The following COL17A1 variants were observed in gnomAD, a reference collection of about 807,000 sequenced individuals.
The protein encoded by COL17A1 is collagen alpha-1(XVII) chain.
A neutral mutation model predicts 218.4 loss-of-function variants in COL17A1; 181 were observed. The observed-to-expected ratio is 0.83, with a 90% CI of 0.73 to 0.94. The LOEUF is 0.94. COL17A1 is among the 40% of genes least tolerant of loss of function. The probability of loss-of-function intolerance (pLI) is 0.00; values close to 1 mark genes in which losing one functional copy is unlikely to be tolerated. For missense variants in COL17A1, 1,924 were observed against 1,945.9 expected (o/e 0.99, Z 0.21); for synonymous variants, 721 against 731.0 (o/e 0.99, Z 0.22).
chr10:104,052,292 T>C, intron 23 of COL17A1, 75 bp from the exon 24 acceptor site: 1 of 1,590,918 alleles, frequency 6.3e-7, no homozygotes, highest in Non-Finnish European at 8.6e-7. Flanking sequence ...CACTGTCATT[T>C]GGAGGGGATG....
chr10:104,072,347 T>C (rs1243293069), intron 7 of COL17A1, among the ~76,000 whole-genome samples: 1 of 152,180 alleles, frequency 6.6e-6, no homozygotes, highest in East Asian at 1.9e-4. Flanking sequence ...GAGGTTCCAG[T>C]ACAATCAGCA....
chr10:104,073,937 T>C, intron 6 of COL17A1: 1 of 498,658 alleles, frequency 2.0e-6, no homozygotes. Context: ...GCCTGAGCCT[T>C]ATATATAGCT....
Position 104,080,678 on chromosome 10 carries a change from T to C in COL17A1, c.-5A>G, listed in dbSNP as rs1007545074. 1 of 1,613,296 alleles carries C rather than the reference T, an allele frequency of 6.2e-7. No homozygotes were observed. The highest frequency in any genetic ancestry group is 1.1e-5 in the South Asian group (1 of 91,082). ...GTTTTTCTTGGTTACATCCATACCA[T>C]AGCCACCTGCAGGAAAAATCAGAAA... is the stretch of plus-strand genomic sequence containing the variant. On this transcript the variant is annotated 5_prime_UTR_variant, in exon 2 of 56. The change abolishes an upstream ATG in the 5' untranslated region. Coordinates refer to ENST00000648076, the MANE Select transcript of COL17A1 (RefSeq NM_000494.4).
At chr10:104,042,091 C>T (rs907486816) in intron 36 of COL17A1, among the ~76,000 whole-genome samples, 6 of 152,152 alleles carry the variant, frequency 3.9e-5, no homozygotes, top group Admixed American at 2.6e-4. Context: ...TTAAAGGACC[C>T]GGGAGTGAGT....
At chr10:104,044,780 G>A (rs1365120158) in intron 33 of COL17A1, among the ~76,000 whole-genome samples, 5 of 152,078 alleles carry the variant, frequency 3.3e-5, no homozygotes, top group Non-Finnish European at 5.9e-5. Context: ...CCTCAAAAAG[G>A]GAAGGTTTCT....
intron 40 of COL17A1, 60 bp downstream of exon 40, chr10:104,040,291 A>G: frequency 8.1e-7 from 1 of 1,237,564 alleles, no homozygotes; most frequent in Non-Finnish European, 1.2e-6. Flanking sequence ...CCTCCTGGCA[A>G]CCAGCAGGTA....
intron 26 of COL17A1, 58 bp from the exon 27 acceptor site, chr10:104,050,714 G>C (rs2086461028): frequency 8.1e-6 from 13 of 1,614,082 alleles, no homozygotes; most frequent in Non-Finnish European, 1.1e-5. Flanking sequence ...ACCAGGAAGG[G>C]GCAATGTCTG....
intron 48 of COL17A1, among the ~76,000 whole-genome samples, chr10:104,036,057 TATGGGAGTATGTGTATGGGA>T (rs1259016135): frequency 3.6e-5 from 2 of 55,442 alleles, no homozygotes; most frequent in Non-Finnish European, 8.3e-5. Context: ...GGAGTGTGTG[TATGGGAGTATGTGTATGGGA>T]GTGTGTATGG....
chr10:104,052,197 G>A lies in COL17A1; in HGVS notation c.1960C>T (p.Pro654Ser). 1 of 1,614,178 alleles carries A rather than the reference G, an allele frequency of 6.2e-7. No homozygotes were observed. Among genetic ancestry groups the A allele is most frequent in the Non-Finnish European group, 8.5e-7 (1 of 1,180,016 alleles). The change falls in exon 24 of 56, where the codon CCT becomes TCT. Residue 654 changes from proline to serine, a missense_variant. By Grantham distance (74) the Pro-to-Ser change is moderately conservative. Transcript: ENST00000648076. ...GERGAAGEPG[P>S]HGPPGVPGSV... is the part of the protein sequence containing the mutation. The stretch of plus-strand genomic sequence containing the variant: ...CCTGGGACACCAGGTGGGCCATGAG[G>A]ACCTGGTTCACCAGCAGCCCCTGAG...
chr10:104,063,655 A>T, intron 11 of COL17A1, 92 bp downstream of exon 11: 1 of 1,569,856 alleles, frequency 6.4e-7, no homozygotes, highest in Non-Finnish European at 8.7e-7. Flanking sequence ...TGCAGTATGC[A>T]TGGAAGAAAG....
At chr10:104,035,830 A>ATCGGAGTGTGCGTATGGGAGTGTGTGTG (rs2086276527) in intron 48 of COL17A1, among the ~76,000 whole-genome samples, 13 of 29,952 alleles carry the variant, frequency 4.3e-4, no homozygotes, top group Middle Eastern at 0.012. Flanking sequence ...GTGTGTGTGT[A>ATCGGAGTGTGCGTATGGGAGTGTGTGTG]TGGGAGTGTA....
chr10:104,040,804 A>T (rs963988201), intron 39 of COL17A1, among the ~76,000 whole-genome samples: 2 of 152,084 alleles, frequency 1.3e-5, no homozygotes, highest in Non-Finnish European at 2.9e-5. Flanking sequence ...CAAGGATAGG[A>T]ACCAGGTCTC....
chr10:104,066,576 G>GA (rs970495994), intron 9 of COL17A1, among the ~76,000 whole-genome samples: 21 of 151,518 alleles, frequency 1.4e-4, no homozygotes. Context: ...GCTTCAAGAG[G>GA]AAAAAAAAGA....
intron 9 of COL17A1, among the ~76,000 whole-genome samples, chr10:104,066,099 A>T (rs1321356418): frequency 6.6e-6 from 1 of 152,186 alleles, no homozygotes; most frequent in African/African-American, 2.4e-5. Flanking sequence ...AGACTGCAAA[A>T]TAGCTCATTT....
At chr10:104,040,083 G>A in intron 40 of COL17A1, 84 bp from the exon 41 acceptor site, 1 of 1,472,068 alleles carries the variant, frequency 6.8e-7, no homozygotes, top group African/African-American at 1.4e-5. Context: ...GGGGATAGGG[G>A]CTCCAATGCT....
chr10:104,078,563 T>A lies in COL17A1; in HGVS notation c.76A>T (p.Arg26Ter). The A allele has an allele frequency of 6.2e-7, 1 of 1,614,184 alleles. No individual in the cohort carries two copies. Among genetic ancestry groups the A allele is most frequent in the Non-Finnish European group, 8.5e-7 (1 of 1,180,038 alleles). Residue 26 changes from arginine (R) to a stop codon, truncating the protein, a stop_gained, in exon 3 of 56, where the codon AGA becomes TGA. Transcript: ENST00000648076. LOFTEE classifies it high-confidence loss of function. Reference protein sequence around the residue: ...ERIVTETVTTRLTSLPPKGGT... With the variant: ...ERIVTETVTT Reference sequence around the variant, plus strand: ...TTACTTGGTGGTAAGGATGTAAGTCTTGTGGTTACTGTTTCAGTGACAACT... The same window carrying A: ...TTACTTGGTGGTAAGGATGTAAGTCATGTGGTTACTGTTTCAGTGACAACT...
rs368380054 is a variant in COL17A1 at position 104,039,960 on chromosome 10, G to A, written c.2788+13C>T. ...CCTACCCCAGGTTTTGTTTGATGCC[G>A]GCTCTACTGTACCTTGGTGTCCTCT... On this transcript the variant is annotated intron_variant, in intron 41 of 55. Transcript: ENST00000648076. The A allele has an allele frequency of 1.8e-4, 298 of 1,614,036 alleles. 1 individual carries two copies. Among genetic ancestry groups the A allele is most frequent in the Non-Finnish European group, 2.2e-4 (265 of 1,180,038 alleles).
rs2086346557 is a variant in COL17A1 at position 104,040,392 on chromosome 10, G to T, written c.2720C>A (p.Pro907His). 6.2e-7 allele frequency: 1 copy of T among 1,610,922 alleles called. No homozygotes were observed. The highest frequency in any genetic ancestry group is 1.7e-5 in the Admixed American group (1 of 60,002). The change falls in exon 40 of 56, where the codon CCC becomes CAC. Residue 907 changes from proline to histidine, a missense_variant. By Grantham distance (77) the Pro-to-His change is moderately conservative (BLOSUM62 -2). Coordinates refer to ENST00000648076, the MANE Select transcript of COL17A1 (RefSeq NM_000494.4). ...ACCTGGGGGGCCAGGTGGGCCTGGG[G>T]GGCCGGAGAGGAAGGTTTCTGCAGA... ...LSNSETFLSG[P>H]PGPPGPPGPK...
intron 2 of COL17A1, 97 bp from the exon 3 acceptor site, chr10:104,078,683 A>G: frequency 6.6e-7 from 1 of 1,523,808 alleles, no homozygotes; most frequent in Middle Eastern, 1.7e-4. Context: ...AAGCATATTA[A>G]ATTAGGTTCG....
Sources: allele counts gnomAD v4.1 joint callset (sites outside exome capture counted in the v4.1 genomes callset), GRCh38; gene constraint gnomAD v4.1.1; transcripts MANE v1.5; gene names NCBI Gene and HGNC (gene_info 2026-07-23, HGNC 2026-07-21).